The following SLK variants were observed in gnomAD, a reference collection of about 807,000 sequenced individuals.
The protein encoded by SLK is STE20-like serine/threonine-protein kinase.
A neutral mutation model predicts 147.7 loss-of-function variants in SLK; 67 were observed. The observed-to-expected ratio is 0.45, with a 90% CI of 0.37 to 0.56. The LOEUF is 0.56. Among genes scored for constraint, SLK ranks in the 20% least tolerant of loss-of-function variants. The pLI, the probability that SLK is intolerant of heterozygous loss-of-function variation, is 0.00. For missense variants in SLK, 1,136 were observed against 1,438.8 expected, an observed-to-expected ratio of 0.79 and a Z score of 3.41; for synonymous variants, 441 against 475.0, an observed-to-expected ratio of 0.93 and a Z score of 0.93.
At chr10:103,969,817 C>T (rs779916952) in intron 1 of SLK, among the ~76,000 whole-genome samples, 13 of 152,180 alleles carry the variant, frequency 8.5e-5, no homozygotes, top group South Asian at 6.2e-4. Flanking sequence ...ATAATATTAA[C>T]TTTCTTAGGA....
chr10:104,024,282 C>G (rs1844570526), intron 18 of SLK, among the ~76,000 whole-genome samples: 1 of 152,186 alleles, frequency 6.6e-6, no homozygotes, highest in Non-Finnish European at 1.5e-5. Flanking sequence ...CCTTTCCTTT[C>G]TTCCCACTCG....
intron 4 of SLK, among the ~76,000 whole-genome samples, chr10:103,996,127 C>G (rs1184612237): frequency 6.6e-6 from 1 of 152,174 alleles, no homozygotes; most frequent in African/African-American, 2.4e-5. Context: ...AAAGGGCTCT[C>G]TGAATTCTTA....
rs1442430413 is a variant in SLK at position 103,967,493 on chromosome 10, A to G, written c.-253A>G. On this transcript the variant is annotated 5_prime_UTR_variant, in exon 1 of 19. Transcript: ENST00000369755. ...GTGCCGCTCCCGGAGGGTGGGCCGG[A>G]GGCGAGGCGCCCACCGCGCGGCTCG... 6.7e-6 allele frequency: 1 copy of G among 149,550 alleles called. No individual in the cohort carries two copies. The highest frequency in any genetic ancestry group is 2.0e-4 in the East Asian group (1 of 5,106). The allele number at this position is 149,550 out of a possible 1,614,324, so 9.3% of individuals were successfully genotyped here.
chr10:104,018,077 C>A, intron 13 of SLK, 83 bp from the exon 14 acceptor site: 2 of 1,139,586 alleles, frequency 1.8e-6, no homozygotes, highest in South Asian at 1.6e-5. Context: ...ATCTTGTTAA[C>A]CACTAATATA....
At chr10:103,998,576 A>G (rs1262600710) in intron 4 of SLK, among the ~76,000 whole-genome samples, 1 of 152,172 alleles carries the variant, frequency 6.6e-6, no homozygotes, top group East Asian at 1.9e-4. Context: ...GCCACATAGC[A>G]CTAGTTGGCA....
In SLK at chr10:104,027,393, T is replaced by C. The variant is rs1024787230; in HGVS notation, c.*1673T>C. 6.6e-6 allele frequency: 1 copy of C among 152,536 alleles called. No individual in the cohort carries two copies. The highest frequency in any genetic ancestry group is 1.5e-5 in the Non-Finnish European group (1 of 68,014). The allele number at this position is 152,536 out of a possible 1,614,324, so 9.4% of individuals were successfully genotyped here. Reference sequence around the variant, plus strand: ...AATATATATACATATATACATATTATGTATGGTTGTAAATTCATACACTTA... The same window carrying C: ...AATATATATACATATATACATATTACGTATGGTTGTAAATTCATACACTTA... On this transcript the variant is annotated 3_prime_UTR_variant, in exon 19 of 19. Coordinates refer to ENST00000369755, the MANE Select transcript of SLK (RefSeq NM_014720.4).
intron 1 of SLK, among the ~76,000 whole-genome samples, chr10:103,984,601 GAC>G (rs1457903663): frequency 6.6e-6 from 1 of 152,078 alleles, no homozygotes; most frequent in Non-Finnish European, 1.5e-5. Context: ...TTTTGGTAGA[GAC>G]AGTATTTCGC....
At chr10:103,999,022 A>G (rs371597572) in intron 5 of SLK, 51 bp downstream of exon 5, 2 of 1,534,558 alleles carry the variant, frequency 1.3e-6, no homozygotes, top group African/African-American at 2.7e-5. Flanking sequence ...CAGCAGTTAT[A>G]ATTACTCATG....
Position 104,021,703 on chromosome 10 carries a change from G to A in SLK, c.3531G>A (p.Glu1177=). ...LDEEHSQELK[E]WREKLRPRKK... The stretch of plus-strand genomic sequence containing the variant: ...AGGAACATAGCCAAGAATTAAAGGA[G>A]TGGAGAGAGAAATTGAGACCTAGGA... Residue 1177 remains glutamate (E), a synonymous_variant, in exon 18 of 19, where the codon GAG becomes GAA. Transcript: ENST00000369755. The A allele has an allele frequency of 6.2e-7, 1 of 1,605,264 alleles. No individual in the cohort carries two copies. Among genetic ancestry groups the A allele is most frequent in the Non-Finnish European group, 8.5e-7 (1 of 1,172,726 alleles).
chr10:104,002,088 T>G (rs1844256018), intron 8 of SLK, 84 bp from the exon 9 acceptor site: 1 of 986,264 alleles, frequency 1.0e-6, no homozygotes, highest in Non-Finnish European at 1.5e-6. Context: ...AATAAAGATC[T>G]GAAATCACTG....
intron 15 of SLK, 44 bp from the exon 16 acceptor site, chr10:104,019,690 A>C (rs1249720436): frequency 7.0e-7 from 1 of 1,421,224 alleles, no homozygotes; most frequent in South Asian, 1.2e-5. Flanking sequence ...GTGGGTACTG[A>C]CTATTGTTTC....
chr10:104,023,821 A>C (rs1204247896), intron 18 of SLK, among the ~76,000 whole-genome samples: 1 of 152,172 alleles, frequency 6.6e-6, no homozygotes, highest in Non-Finnish European at 1.5e-5. Context: ...GCATGCCATG[A>C]TCGCTTCATT....
chr10:104,001,606 A>G, intron 8 of SLK, 34 bp downstream of exon 8: 2 of 1,611,166 alleles, frequency 1.2e-6, no homozygotes, highest in Non-Finnish European at 1.7e-6. Context: ...CATTTAGTGA[A>G]TAGAGTTCGG....
chr10:103,980,285 A>AT (rs1053358421), intron 1 of SLK, among the ~76,000 whole-genome samples: 2 of 152,104 alleles, frequency 1.3e-5, no homozygotes, highest in Non-Finnish European at 2.9e-5. Context: ...TTATTTTTCA[A>AT]TTTTTTAATT....
intron 1 of SLK, among the ~76,000 whole-genome samples, chr10:103,970,952 A>G (rs1206645608): frequency 6.6e-6 from 1 of 152,216 alleles, no homozygotes; most frequent in Admixed American, 6.5e-5. Flanking sequence ...TCCTTTGAAC[A>G]TCATGTCATG....
chr10:103,987,478 C>A (rs375082986), intron 1 of SLK, among the ~76,000 whole-genome samples: 1 of 151,958 alleles, frequency 6.6e-6, no homozygotes, highest in African/African-American at 2.4e-5. Flanking sequence ...GCAAATGGTG[C>A]TTTGATGAGT....
At chr10:103,998,855 A>G (rs780734255) in intron 4 of SLK, 44 bp from the exon 5 acceptor site, 2 of 1,403,112 alleles carry the variant, frequency 1.4e-6, no homozygotes, top group African/African-American at 1.4e-5. Flanking sequence ...ACAATGAACA[A>G]TGCTTAAAAG....
chr10:104,003,157 C>G lies in SLK; in HGVS notation c.1979C>G (p.Thr660Ser). The G allele has an allele frequency of 6.2e-7, 1 of 1,614,040 alleles. No individual in the cohort carries two copies. The highest frequency in any genetic ancestry group is 1.1e-5 in the South Asian group (1 of 91,068). Residue 660 changes from threonine to serine, a missense_variant, in exon 9 of 19, where the codon ACT (threonine) becomes AGT (serine). Coordinates refer to ENST00000369755, the MANE Select transcript of SLK (RefSeq NM_014720.4). ...GAGGTCAGAAGTGTGGTGGCTGATACTGACCAAAAGGCTTTAGGAAGTGAA... is the reference window on the plus strand; with the variant it reads ...GAGGTCAGAAGTGTGGTGGCTGATAGTGACCAAAAGGCTTTAGGAAGTGAA... Reference protein sequence around the residue: ...EMEVRSVVADTDQKALGSEVQ... With the variant: ...EMEVRSVVADSDQKALGSEVQ...
At chr10:104,025,157 G>A (rs1052513487) in intron 18 of SLK, among the ~76,000 whole-genome samples, 2 of 152,150 alleles carry the variant, frequency 1.3e-5, no homozygotes, top group East Asian at 1.9e-4. Context: ...AAATACAGGC[G>A]CATCGTAACT....
Sources: allele counts gnomAD v4.1 joint callset (sites outside exome capture counted in the v4.1 genomes callset), GRCh38; gene constraint gnomAD v4.1.1; transcripts MANE v1.5; gene names NCBI Gene and HGNC (gene_info 2026-07-23, HGNC 2026-07-21).